The following ZNF708 variants were observed in gnomAD, a reference collection of about 807,000 sequenced individuals.
The protein encoded by ZNF708 is ZNF15, ZNF15L1.
A neutral mutation model predicts 47.0 loss-of-function variants in ZNF708; 44 were observed. That is an observed-to-expected ratio of 0.94 (90% CI 0.74 to 1.20). ZNF708 has a LOEUF of 1.20. Ranked by LOEUF, ZNF708 falls within the 50% of genes most tolerant of loss-of-function variation. ZNF708 has a pLI of 0.00. For missense variants in ZNF708, 557 were observed against 656.0 expected (o/e 0.85, Z 1.65); for synonymous variants, 184 against 218.5 (o/e 0.84, Z 1.39).
chr19:21,302,066 A>C lies in ZNF708; in HGVS notation c.226+7180T>G, dbSNP rs184188523. ...CACTTGAGAATAGGAGTTCAAGATC[A>C]GCCTGAGCAACATAGTGAGACTCTG... On this transcript the variant is annotated intron_variant, in intron 3 of 3. Coordinates refer to ENST00000356929, the MANE Select transcript of ZNF708 (RefSeq NM_021269.3). Among the ~76,000 whole-genome samples, 51 of 152,326 alleles carry C rather than the reference A, an allele frequency of 3.3e-4. No homozygotes were observed. In the East Asian group the frequency reaches 9.1e-3, roughly 27 times the overall value.
intron 3 of ZNF708, among the ~76,000 whole-genome samples, chr19:21,301,745 C>T (rs754215061): frequency 2.0e-5 from 3 of 151,986 alleles, no homozygotes; most frequent in Non-Finnish European, 4.4e-5. Context: ...TGCAGTTAGC[C>T]GAGATCACAT....
chr19:21,304,200 G>A (rs1972715580), intron 3 of ZNF708, among the ~76,000 whole-genome samples: 1 of 151,656 alleles, frequency 6.6e-6, no homozygotes, highest in African/African-American at 2.4e-5. Flanking sequence ...GGAAGGCAAA[G>A]TATAAGTGGA....
At chr19:21,323,010 A>G (rs1341101451) in intron 1 of ZNF708, among the ~76,000 whole-genome samples, 1 of 151,954 alleles carries the variant, frequency 6.6e-6, no homozygotes, top group Non-Finnish European at 1.5e-5. Context: ...AGAACTCAGC[A>G]AATACTGTAG....
chr19:21,307,148 TAAAATATAATATAAA>T (rs1972797197), intron 3 of ZNF708, among the ~76,000 whole-genome samples: 5 of 132,584 alleles, frequency 3.8e-5, no homozygotes, highest in South Asian at 2.4e-4. Context: ...TAAAATAAAA[TAAAATATAATATAAA>T]ATAAAATAAA....
intron 3 of ZNF708, among the ~76,000 whole-genome samples, chr19:21,300,955 C>T (rs571295559): frequency 3.9e-5 from 6 of 152,038 alleles, no homozygotes; most frequent in Non-Finnish European, 5.9e-5. Context: ...CCACCATGCC[C>T]GGCCTGTCAT....
intron 3 of ZNF708, among the ~76,000 whole-genome samples, chr19:21,300,519 A>C (rs1972637030): frequency 1.5e-5 from 2 of 131,010 alleles, no homozygotes; most frequent in South Asian, 2.6e-4. Context: ...AAAAAAAAAA[A>C]ACAAAACAGG....
intron 1 of ZNF708, among the ~76,000 whole-genome samples, chr19:21,317,133 A>T (rs2145179422): frequency 6.8e-6 from 1 of 147,832 alleles, no homozygotes; most frequent in South Asian, 2.2e-4. Flanking sequence ...AAAAAAAATT[A>T]GCCAGGCATG....
At chr19:21,297,217 G>A (rs1414720587) in intron 3 of ZNF708, among the ~76,000 whole-genome samples, 1 of 126,702 alleles carries the variant, frequency 7.9e-6, no homozygotes, top group African/African-American at 2.9e-5. Flanking sequence ...CAGATATAAT[G>A]AGAAAGAATT....
intron 3 of ZNF708, among the ~76,000 whole-genome samples, chr19:21,308,523 C>T (rs1269322806): frequency 1.3e-5 from 2 of 152,144 alleles, no homozygotes; most frequent in African/African-American, 4.8e-5. Context: ...AGGTGATCCA[C>T]CCATCTCGGC....
At chr19:21,315,499 A>T (rs533660740) in intron 1 of ZNF708, among the ~76,000 whole-genome samples, 22 of 152,294 alleles carry the variant, frequency 1.4e-4, no homozygotes, top group East Asian at 1.2e-3. Flanking sequence ...GTTCCAAATG[A>T]TGTTTACCTA....
intron 1 of ZNF708, among the ~76,000 whole-genome samples, chr19:21,320,879 C>T (rs2968052): frequency 9.2e-5 from 14 of 151,898 alleles, no homozygotes; most frequent in African/African-American, 3.1e-4. Flanking sequence ...CGGTGGCTCA[C>T]GCCTGTAATC....
chr19:21,324,618 G>A (rs1012671457), intron 1 of ZNF708, among the ~76,000 whole-genome samples: 1 of 151,924 alleles, frequency 6.6e-6, no homozygotes, highest in South Asian at 2.1e-4. Flanking sequence ...GTTGACATAA[G>A]AGAAGAAAAT....
At chr19:21,319,982 C>G (rs949972766) in intron 1 of ZNF708, among the ~76,000 whole-genome samples, 7 of 152,118 alleles carry the variant, frequency 4.6e-5, no homozygotes, top group Admixed American at 4.6e-4. Context: ...TCAAGACCAA[C>G]CTGGCCAACA....
chr19:21,324,565 T>C lies in ZNF708; in HGVS notation c.3+4645A>G, dbSNP rs149047054. On this transcript the variant is annotated intron_variant, in intron 1 of 3. Transcript: ENST00000356929. The stretch of plus-strand genomic sequence containing the variant: ...CTGGGCAATAAGAGAGAAATTCCAT[T>C]TCAAAAAATAAAAAAAAAATCCAGC... Among the ~76,000 whole-genome samples the C allele has an allele frequency of 1.2e-3, 187 of 152,004 alleles. 1 individual carries two copies. Among genetic ancestry groups the C allele is most frequent in the Admixed American group, 0.012 (176 of 15,270 alleles).
intron 1 of ZNF708, among the ~76,000 whole-genome samples, chr19:21,325,746 C>T (rs551654770): frequency 3.3e-5 from 5 of 152,162 alleles, no homozygotes; most frequent in East Asian, 1.9e-4. Flanking sequence ...AGTTTTTACA[C>T]GGCAAAAAGA....
intron 3 of ZNF708, among the ~76,000 whole-genome samples, chr19:21,304,830 G>T (rs1239228986): frequency 6.6e-6 from 1 of 152,148 alleles, no homozygotes; most frequent in Non-Finnish European, 1.5e-5. Flanking sequence ...CCAAAATCAT[G>T]TCACTGCACT....
At chr19:21,307,647 C>T (rs113922187) in intron 3 of ZNF708, among the ~76,000 whole-genome samples, 1 of 151,858 alleles carries the variant, frequency 6.6e-6, no homozygotes, top group South Asian at 2.1e-4. Flanking sequence ...TCTTTACCTT[C>T]TGAAATCAGT....
chr19:21,296,506 A>G (rs368254218), intron 3 of ZNF708, among the ~76,000 whole-genome samples: 1 of 151,916 alleles, frequency 6.6e-6, no homozygotes, highest in African/African-American at 2.4e-5. Context: ...CCTTCTCAAA[A>G]TAAATAAATA....
intron 3 of ZNF708, among the ~76,000 whole-genome samples, chr19:21,301,185 A>G (rs1159557765): frequency 6.6e-6 from 1 of 152,146 alleles, no homozygotes; most frequent in Non-Finnish European, 1.5e-5. Context: ...CAAGATAAAA[A>G]CAACCTGAGA....
Sources: allele counts gnomAD v4.1 joint callset (sites outside exome capture counted in the v4.1 genomes callset), GRCh38; gene constraint gnomAD v4.1.1; transcripts MANE v1.5; gene names NCBI Gene and HGNC (gene_info 2026-07-23, HGNC 2026-07-21).